Variants in TOX observed in about 807,000 individuals in gnomAD.
TOX encodes thymocyte selection associated high mobility group box.
A neutral mutation model predicts 53.7 loss-of-function variants in TOX; 11 were observed. The observed-to-expected ratio is 0.20, with a 90% CI of 0.13 to 0.34. The LOEUF is 0.34. Among genes scored for constraint, TOX ranks in the 10% least tolerant of loss-of-function variants. The probability of loss-of-function intolerance (pLI) is 1.00; values close to 1 mark genes in which losing one functional copy is unlikely to be tolerated. For missense variants in TOX, 570 were observed against 664.6 expected, an observed-to-expected ratio of 0.86 and a Z score of 1.56; for synonymous variants, 225 against 245.3, an observed-to-expected ratio of 0.92 and a Z score of 0.77.
At chr8:58,818,832 C>T (rs1442266814) in intron 6 of TOX, among the ~76,000 whole-genome samples, 1 of 152,176 alleles carries the variant, frequency 6.6e-6, no homozygotes, top group Non-Finnish European at 1.5e-5. Context: ...CCGCTCTGTC[C>T]TTTGGTTAGA....
intron 1 of TOX, among the ~76,000 whole-genome samples, chr8:59,028,324 G>T (rs1341181146): frequency 6.6e-6 from 1 of 151,606 alleles, no homozygotes; most frequent in African/African-American, 2.4e-5. Flanking sequence ...GCTATAATAC[G>T]AGCTACAAAA....
At chr8:59,007,693 A>C (rs1813817220) in intron 1 of TOX, among the ~76,000 whole-genome samples, 1 of 152,208 alleles carries the variant, frequency 6.6e-6, no homozygotes, top group Non-Finnish European at 1.5e-5. Context: ...TAGGTAAATA[A>C]ATAAAAGTAG....
chr8:59,024,962 A>G (rs1407703349), intron 1 of TOX, among the ~76,000 whole-genome samples: 2 of 152,224 alleles, frequency 1.3e-5, no homozygotes, highest in African/African-American at 4.8e-5. Flanking sequence ...ATCAACTATT[A>G]ACAGAAAATG....
chr8:58,840,456 A>G (rs2129167170), intron 4 of TOX, among the ~76,000 whole-genome samples: 1 of 152,306 alleles, frequency 6.6e-6, no homozygotes, highest in Admixed American at 6.5e-5. Context: ...ATTAAAACAC[A>G]TAGGCATATA....
chr8:59,013,885 T>G (rs1466287730), intron 1 of TOX, among the ~76,000 whole-genome samples: 1 of 152,208 alleles, frequency 6.6e-6, no homozygotes, highest in African/African-American at 2.4e-5. Flanking sequence ...GGTTAGAAAA[T>G]TAAGAAGCAC....
chr8:59,063,644 G>T (rs1360959975), intron 1 of TOX, among the ~76,000 whole-genome samples: 1 of 151,904 alleles, frequency 6.6e-6, no homozygotes, highest in Non-Finnish European at 1.5e-5. Flanking sequence ...GGATGGTCTT[G>T]ATCTCCAGAC....
chr8:59,102,619 C>T (rs1804826248), intron 1 of TOX, among the ~76,000 whole-genome samples: 1 of 152,176 alleles, frequency 6.6e-6, no homozygotes, highest in African/African-American at 2.4e-5. Flanking sequence ...ATGATTCAAT[C>T]ATCTCCCACC....
At chr8:58,818,008 C>G (rs149269775) in intron 6 of TOX, among the ~76,000 whole-genome samples, 1 of 152,034 alleles carries the variant, frequency 6.6e-6, no homozygotes, top group Non-Finnish European at 1.5e-5. Context: ...TGTGGTCCAT[C>G]ATATAGAGAG....
At chr8:58,808,397 T>A (rs1810024377) in intron 7 of TOX, 128 bp from the exon 8 acceptor site, 2 of 1,190,596 alleles carry the variant, frequency 1.7e-6, no homozygotes, top group South Asian at 2.1e-5. Context: ...GGCAAGCCTG[T>A]CGGAAGAGCC....
At chr8:59,005,549 A>AT (rs1813775857) in intron 1 of TOX, among the ~76,000 whole-genome samples, 1 of 152,246 alleles carries the variant, frequency 6.6e-6, no homozygotes, top group Non-Finnish European at 1.5e-5. Context: ...ATAGTAGCAC[A>AT]TTAACAATTT....
chr8:59,088,612 A>T (rs1804554176), intron 1 of TOX, among the ~76,000 whole-genome samples: 1 of 152,256 alleles, frequency 6.6e-6, no homozygotes, highest in South Asian at 2.1e-4. Flanking sequence ...CCCGGGTATT[A>T]GTCAGCCGTT....
intron 3 of TOX, among the ~76,000 whole-genome samples, chr8:58,883,365 C>T (rs1331465358): frequency 1.3e-5 from 2 of 152,158 alleles, no homozygotes. Flanking sequence ...TTTAAATGAT[C>T]TATTTTATTA....
intron 1 of TOX, among the ~76,000 whole-genome samples, chr8:58,977,312 T>A (rs1331768041): frequency 1.3e-5 from 2 of 152,246 alleles, no homozygotes; most frequent in Non-Finnish European, 2.9e-5. Context: ...TTTTGCAGCT[T>A]CCTCACTTAT....
intron 1 of TOX, among the ~76,000 whole-genome samples, chr8:59,109,342 G>A (rs550764572): frequency 2.0e-5 from 3 of 152,236 alleles, no homozygotes; most frequent in Admixed American, 6.5e-5. Flanking sequence ...TCTCTTCTAC[G>A]ACCTAGCTTA....
At chr8:58,942,594 A>G (rs538050578) in intron 2 of TOX, among the ~76,000 whole-genome samples, 1 of 152,346 alleles carries the variant, frequency 6.6e-6, no homozygotes, top group African/African-American at 2.4e-5. Context: ...AACAAGTTCA[A>G]TGCCAGGCTA....
At position 58,851,808 on chromosome 8, in the gene TOX, A is replaced by G; in HGVS notation, c.412-3T>C. On this transcript the variant is annotated splice_polypyrimidine_tract_variant and splice_region_variant and intron_variant, in intron 3 of 8. Coordinates refer to ENST00000361421, the MANE Select transcript of TOX (RefSeq NM_014729.3). The surrounding 1 kb of genome is among the most constrained non-coding windows in gnomAD (Gnocchi z 4.4). ...TCTGGGTTTCGTATATCTGGCATCTACAATAAATAAATAAATAAATAAATA... is the reference window on the plus strand; with the variant it reads ...TCTGGGTTTCGTATATCTGGCATCTGCAATAAATAAATAAATAAATAAATA... The G allele has an allele frequency of 7.4e-7, 1 of 1,342,830 alleles. No homozygotes were observed. 83.2% of individuals were successfully genotyped at this position (1,342,830 alleles called of 1,614,324 possible).
intron 1 of TOX, among the ~76,000 whole-genome samples, chr8:59,003,732 A>AT (rs1813737957): frequency 6.6e-6 from 1 of 152,192 alleles, no homozygotes; most frequent in African/African-American, 2.4e-5. Flanking sequence ...TCTGGGAATC[A>AT]TTTTTTATTA....
At chr8:58,810,865 AT>A (rs928860811) in intron 7 of TOX, among the ~76,000 whole-genome samples, 48 of 152,000 alleles carry the variant, frequency 3.2e-4, no homozygotes, top group Non-Finnish European at 5.3e-4. Context: ...AGAAACCGCC[AT>A]TTTTTCCCCC....
At chr8:58,938,058 G>A (rs1812375993) in intron 3 of TOX, among the ~76,000 whole-genome samples, 1 of 15,540 alleles carries the variant, frequency 6.4e-5, no homozygotes, top group Admixed American at 6.0e-4. Flanking sequence ...TGATGGTGCT[G>A]CCAATGAGTC....
Sources: allele counts gnomAD v4.1 joint callset (sites outside exome capture counted in the v4.1 genomes callset), GRCh38; gene constraint gnomAD v4.1.1; non-coding constraint Gnocchi (gnomAD v3.1); transcripts MANE v1.5; gene names NCBI Gene and HGNC (gene_info 2026-07-23, HGNC 2026-07-21).